PTPRD: variants seen among roughly 807,000 people sequenced by gnomAD.
PTPRD encodes receptor-type tyrosine-protein phosphatase delta.
PTPRD carries 34 observed loss-of-function variants against 214.5 expected under a neutral mutation model. That is an observed-to-expected ratio of 0.16 (90% CI 0.12 to 0.21). The LOEUF (loss-of-function observed/expected upper bound fraction) is 0.21. Ranked by LOEUF, PTPRD falls within the 10% of genes least tolerant of loss-of-function variation. The pLI is 1.00. For synonymous variants in PTPRD, 1,128 were observed against 845.7 expected, an observed-to-expected ratio of 1.33 and a Z score of -5.79; for missense variants, 2,545 against 2,398.7, an observed-to-expected ratio of 1.06 and a Z score of -1.27.
At chr9:8,582,246 C>T (rs146363530) in intron 14 of PTPRD, among the ~76,000 whole-genome samples, 22 of 152,196 alleles carry the variant, frequency 1.4e-4, no homozygotes, top group Non-Finnish European at 2.8e-4. Context: ...AAGATTAGAT[C>T]GCCACTTTAC....
At chr9:8,934,428 T>G (rs2098976272) in intron 11 of PTPRD, among the ~76,000 whole-genome samples, 1 of 50,218 alleles carries the variant, frequency 2.0e-5, no homozygotes, top group Non-Finnish European at 3.9e-5. Context: ...TGTGTATATA[T>G]ATATATAAAT....
intron 7 of PTPRD, among the ~76,000 whole-genome samples, chr9:9,649,083 G>C (rs1716506110): frequency 6.6e-6 from 1 of 152,104 alleles, no homozygotes; most frequent in Non-Finnish European, 1.5e-5. Flanking sequence ...AGTTTGGGAG[G>C]TAGTAAACAA....
intron 4 of PTPRD, among the ~76,000 whole-genome samples, chr9:10,014,472 T>C (rs528263579): frequency 4.6e-5 from 7 of 152,194 alleles, no homozygotes; most frequent in African/African-American, 1.7e-4. Flanking sequence ...TATTGCTGTA[T>C]TCAAATGGTT....
At chr9:9,252,478 T>A (rs1232367184) in intron 9 of PTPRD, among the ~76,000 whole-genome samples, 1 of 152,004 alleles carries the variant, frequency 6.6e-6, no homozygotes, top group Non-Finnish European at 1.5e-5. Context: ...TAAACCCAAA[T>A]TTTTAAATTT....
In PTPRD at chr9:9,406,464, C is replaced by T. The variant is rs565261993; in HGVS notation, c.-236-8982G>A. 1.6e-4 allele frequency among the ~76,000 whole-genome samples: 25 copies of T among 152,034 alleles called. 1 individual carries two copies. In the South Asian group the frequency reaches 5.0e-3, roughly 30 times the overall value. On this transcript the variant is annotated intron_variant, in intron 8 of 45. Coordinates refer to ENST00000381196, the MANE Select transcript of PTPRD (RefSeq NM_002839.4). ...CAAGAAATATTAAGAAAAGCACCCT[C>T]CATCTTTTCTACAAACTTCTACCTT...
intron 39 of PTPRD, among the ~76,000 whole-genome samples, chr9:8,362,600 G>A (rs973932789): frequency 2.0e-5 from 3 of 152,168 alleles, no homozygotes; most frequent in African/African-American, 7.2e-5. Flanking sequence ...AAGAATGACT[G>A]ACCACCTATA....
intron 3 of PTPRD, among the ~76,000 whole-genome samples, chr9:10,200,161 T>A (rs2099413930): frequency 6.6e-6 from 1 of 152,084 alleles, no homozygotes; most frequent in Non-Finnish European, 1.5e-5. Flanking sequence ...TCCCTCTTGT[T>A]TCAGTAATTC....
intron 3 of PTPRD, among the ~76,000 whole-genome samples, chr9:10,240,658 A>G (rs2099644406): frequency 6.6e-6 from 1 of 151,978 alleles, no homozygotes; most frequent in Non-Finnish European, 1.5e-5. Context: ...ATACAAAATG[A>G]CAAAATGTTA....
intron 2 of PTPRD, among the ~76,000 whole-genome samples, chr9:10,413,440 T>C (rs1243896362): frequency 2.6e-5 from 4 of 151,790 alleles, no homozygotes; most frequent in Non-Finnish European, 5.9e-5. Flanking sequence ...CTACAAAATA[T>C]TGCCCAAAGA....
chr9:9,296,308 G>T (rs1160247384), intron 9 of PTPRD, among the ~76,000 whole-genome samples: 1 of 151,678 alleles, frequency 6.6e-6, no homozygotes, highest in Non-Finnish European at 1.5e-5. Context: ...TTACTGTACT[G>T]TCAGTGGAAC....
Position 9,009,460 on chromosome 9 carries a change from G to A in PTPRD, c.-104+9237C>T, listed in dbSNP as rs141647455. ...AAGTTCCAGGGTACATGTGAAGGAT[G>A]TGCAGGTTTGTTACATAGGTAAATG... On this transcript the variant is annotated intron_variant, in intron 11 of 45. Coordinates refer to ENST00000381196, the MANE Select transcript of PTPRD (RefSeq NM_002839.4). Among the ~76,000 whole-genome samples the A allele has an allele frequency of 4.9e-3, 744 of 152,076 alleles. 8 individuals carry two copies. The highest frequency in any genetic ancestry group is 0.017 in the African/African-American group (710 of 41,464).
intron 5 of PTPRD, among the ~76,000 whole-genome samples, chr9:9,893,457 A>G (rs903509091): frequency 6.6e-6 from 1 of 152,114 alleles, no homozygotes; most frequent in Admixed American, 6.6e-5. Context: ...ATAGAAAACA[A>G]CAAAAAATAT....
At chr9:8,333,085 T>TGTTA (rs1391675534) in intron 43 of PTPRD, among the ~76,000 whole-genome samples, 2 of 152,156 alleles carry the variant, frequency 1.3e-5, no homozygotes, top group East Asian at 3.9e-4. Flanking sequence ...TCCTGACTGA[T>TGTTA]GTTATTTGGG....
At chr9:9,406,988 T>G (rs2073695077) in intron 8 of PTPRD, among the ~76,000 whole-genome samples, 1 of 151,700 alleles carries the variant, frequency 6.6e-6, no homozygotes, top group Non-Finnish European at 1.5e-5. Context: ...ATTGTGAAAA[T>G]TAGTAAATTA....
intron 2 of PTPRD, among the ~76,000 whole-genome samples, chr9:10,380,097 A>G (rs912506248): frequency 6.6e-6 from 1 of 152,072 alleles, no homozygotes. Context: ...GTGGCTGAGA[A>G]TACAGGCAGG....
intron 3 of PTPRD, among the ~76,000 whole-genome samples, chr9:10,119,487 T>C (rs2098757812): frequency 2.0e-5 from 3 of 151,868 alleles, no homozygotes; most frequent in African/African-American, 4.8e-5. Context: ...GTAGTAAGAG[T>C]AGTTAAAATG....
chr9:9,698,573 C>T (rs1194882988), intron 7 of PTPRD, among the ~76,000 whole-genome samples: 1 of 152,126 alleles, frequency 6.6e-6, no homozygotes, highest in African/African-American at 2.4e-5. Context: ...TGGGATAGAA[C>T]AAAGTTTTCT....
chr9:9,235,937 G>A (rs1422932947), intron 9 of PTPRD, among the ~76,000 whole-genome samples: 1 of 152,060 alleles, frequency 6.6e-6, no homozygotes, highest in Non-Finnish European at 1.5e-5. Context: ...ATTAGTCTGA[G>A]TCAATTCTAA....
chr9:9,685,691 A>C (rs2097154577), intron 7 of PTPRD, among the ~76,000 whole-genome samples: 2 of 151,282 alleles, frequency 1.3e-5, no homozygotes, highest in Admixed American at 6.6e-5. Context: ...CTTAAGTAAT[A>C]AGTCACCATT....
Sources: gnomAD v4.1 joint callset for allele counts (sites outside exome capture counted in the v4.1 genomes callset) on GRCh38, gnomAD v4.1.1 for gene constraint, MANE v1.5 for transcripts, NCBI Gene and HGNC (gene_info 2026-07-23, HGNC 2026-07-21) for gene names.